The following KIF4A variants were observed in gnomAD, a reference collection of about 807,000 sequenced individuals.
KIF4A encodes the protein kinesin family member 4A.
A neutral mutation model predicts 105.9 loss-of-function variants in KIF4A; 7 were observed. The observed-to-expected ratio is 0.07, with a 90% confidence interval of 0.04 to 0.12. The LOEUF is 0.12. KIF4A is among the 10% of genes least tolerant of loss of function. The pLI is 1.00. For synonymous variants in KIF4A, 281 were observed against 331.3 expected (o/e 0.85, Z 1.65); for missense variants, 558 against 929.2 (o/e 0.60, Z 5.19).
chrX:70,385,285 G>C (rs1389307955), intron 18 of KIF4A, among the ~76,000 whole-genome samples: 5 of 111,601 alleles, frequency 4.5e-5, no homozygotes, highest in Non-Finnish European at 1.9e-5. Context: ...AGGACAACTG[G>C]TAGGAACTAC....
At chrX:70,395,202 C>T (rs1041155766) in intron 20 of KIF4A, among the ~76,000 whole-genome samples, 1 of 112,193 alleles carries the variant, frequency 8.9e-6, no homozygotes, top group East Asian at 2.8e-4. Context: ...GCCGAGATCA[C>T]GCCACTGCAC....
At chrX:70,386,471 G>A in intron 18 of KIF4A, 147 bp from the exon 19 acceptor site, 1 of 441,820 alleles carries the variant, frequency 2.3e-6, no homozygotes, top group Non-Finnish European at 3.9e-6. Flanking sequence ...AGAACTACGA[G>A]TTTTTGACTC....
At position 70,320,485 on chromosome X, in the gene KIF4A, T is replaced by C. The variant is rs191107140; in HGVS notation, c.779-8920T>C. Among the ~76,000 whole-genome samples the C allele has an allele frequency of 8.9e-5, 10 of 112,173 alleles. No individual in the cohort carries two copies. The East Asian group carries it at 2.2e-3, about 25-fold the overall frequency. Reference sequence around the variant, plus strand: ...GGCATATATACACAGTGGAATACTATTGGGCCATAAAAAAGAATGAAATCC... The same window carrying C: ...GGCATATATACACAGTGGAATACTACTGGGCCATAAAAAAGAATGAAATCC... On this transcript the variant is annotated intron_variant, in intron 7 of 30. Transcript: ENST00000374403.
At chrX:70,417,699 C>T (rs1046408009) in intron 28 of KIF4A, among the ~76,000 whole-genome samples, 189 bp from the exon 29 acceptor site, 1 of 112,128 alleles carries the variant, frequency 8.9e-6, no homozygotes, top group Non-Finnish European at 1.9e-5. Flanking sequence ...GACTTGTTCT[C>T]TTTAAACCTA....
At chrX:70,403,809 G>C in intron 23 of KIF4A, 55 bp from the exon 24 acceptor site, 1 of 1,057,800 alleles carries the variant, frequency 9.5e-7, no homozygotes, top group East Asian at 3.3e-5. Flanking sequence ...TGTTGAAAGG[G>C]GGAAAGAAAG....
intron 16 of KIF4A, 41 bp downstream of exon 16, chrX:70,374,295 A>G (rs2086166387): frequency 3.5e-6 from 3 of 856,583 alleles, no homozygotes. Flanking sequence ...AGTCCCTACT[A>G]TGTGTGAGGA....
At chrX:70,355,219 C>G (rs776287473) in intron 15 of KIF4A, among the ~76,000 whole-genome samples, 1 of 111,522 alleles carries the variant, frequency 9.0e-6, no homozygotes, top group Non-Finnish European at 1.9e-5. Flanking sequence ...ATGCTTTCTC[C>G]AGGCCCTCCA....
chrX:70,396,088 G>T, intron 22 of KIF4A, 39 bp downstream of exon 22: 2 of 981,711 alleles, frequency 2.0e-6, no homozygotes, highest in Non-Finnish European at 2.8e-6. Flanking sequence ...AAAAATTTAT[G>T]CCTGGAATCA....
intron 7 of KIF4A, among the ~76,000 whole-genome samples, chrX:70,302,777 A>C (rs1459840505): frequency 2.7e-5 from 3 of 111,877 alleles, no homozygotes; most frequent in African/African-American, 9.7e-5. Context: ...GCCTTCATTC[A>C]AGTTGTTGAA....
intron 15 of KIF4A, among the ~76,000 whole-genome samples, chrX:70,356,101 G>A (rs988462818): frequency 2.7e-5 from 3 of 110,884 alleles, no homozygotes; most frequent in African/African-American, 6.6e-5. Context: ...GCAACATGGC[G>A]AAACCCTGGC....
chrX:70,290,347 C>G (rs1463881940), intron 1 of KIF4A, 91 bp from the exon 2 acceptor site: 18 of 1,057,476 alleles, frequency 1.7e-5, no homozygotes, highest in South Asian at 2.2e-5. Flanking sequence ...TCAGTGTTCC[C>G]GCTGAGGAGG....
intron 9 of KIF4A, among the ~76,000 whole-genome samples, chrX:70,332,764 G>T (rs1219030144): frequency 9.0e-6 from 1 of 111,191 alleles, no homozygotes; most frequent in Non-Finnish European, 1.9e-5. Flanking sequence ...CACATGCAAG[G>T]AGACCAGTCT....
rs773241201 is a variant in KIF4A, at chrX:70,419,701, G to C, written c.3413G>C (p.Gly1138Ala). The change falls in exon 30 of 31, where the codon GGC (glycine) becomes GCC (alanine). Residue 1138 changes from glycine (G) to alanine (A), a missense_variant. Around this residue, in one of 2 missense-constraint regions of KIF4A, gnomAD observed 469 missense variants for 680.4 expected, o/e 0.69. Transcript: ENST00000374403. ...GTVERTQDSE[G>A]SFKLEDPTEV... is the part of the protein sequence containing the mutation. ...GTTGAACGGACCCAGGATTCCGAAG[G>C]CTCCTTCAAACTGGAGGATCCTACC... 4.1e-6 allele frequency: 5 copies of C among 1,207,878 alleles called. No individual in the cohort carries two copies. The East Asian group carries it at 1.5e-4, about 36-fold the overall frequency.
chrX:70,395,563 G>T, intron 20 of KIF4A, 108 bp from the exon 21 acceptor site: 2 of 977,105 alleles, frequency 2.0e-6, no homozygotes, highest in South Asian at 4.4e-5. Flanking sequence ...TATCACACTT[G>T]TAGTTACTTG....
intron 18 of KIF4A, 119 bp downstream of exon 18, chrX:70,376,329 T>G: frequency 2.2e-6 from 1 of 449,327 alleles, no homozygotes; most frequent in Non-Finnish European, 3.9e-6. Flanking sequence ...TCTCATGAAT[T>G]TAACAACTTT....
At chrX:70,362,925 A>AT (rs1185402795) in intron 15 of KIF4A, among the ~76,000 whole-genome samples, 1 of 110,141 alleles carries the variant, frequency 9.1e-6, no homozygotes, top group Non-Finnish European at 1.9e-5. Flanking sequence ...TTTTAATTCA[A>AT]TTATTTATTT....
chrX:70,413,785 A>G (rs1212819817), intron 28 of KIF4A, among the ~76,000 whole-genome samples: 1 of 111,277 alleles, frequency 9.0e-6, no homozygotes, highest in Non-Finnish European at 1.9e-5. Flanking sequence ...ACTAAAAACA[A>G]ATTTTTTTTA....
intron 9 of KIF4A, among the ~76,000 whole-genome samples, chrX:70,332,958 T>G (rs2085936578): frequency 8.9e-6 from 1 of 111,762 alleles, no homozygotes; most frequent in South Asian, 3.8e-4. Context: ...CTTTCTTAAG[T>G]AGATTGTAAA....
At chrX:70,402,827 G>A in intron 23 of KIF4A, 132 bp downstream of exon 23, 1 of 789,022 alleles carries the variant, frequency 1.3e-6, no homozygotes, top group South Asian at 2.6e-5. Flanking sequence ...ACATTAGAGA[G>A]TTTAGTAGAT....
Sources: gnomAD v4.1 joint callset for allele counts (sites outside exome capture counted in the v4.1 genomes callset) on GRCh38, gnomAD v4.1.1 for gene constraint, gnomAD v4.1.1 regional missense constraint, MANE v1.5 for transcripts, NCBI Gene and HGNC (gene_info 2026-07-23, HGNC 2026-07-21) for gene names.